BRD10: variants seen among roughly 807,000 people sequenced by gnomAD.
BRD10 encodes the protein bromodomain containing 10.
At chr9:5,916,230 T>G in the BRD10 span, among the ~76,000 whole-genome samples, 12 of 152,186 alleles carry the variant, frequency 7.9e-5, no homozygotes, top group Non-Finnish European at 1.5e-5. Context: ...TTTAGTAACT[T>G]TGGCTAACTA....
At chr9:6,008,451 AGGCCCTGTCGCCATCCCC>A in the BRD10 span, among the ~76,000 whole-genome samples, 1 of 151,572 alleles carries the variant, frequency 6.6e-6, no homozygotes, top group Admixed American at 6.6e-5. Context: ...GCAAAGAAAG[AGGCCCTGTCGCCATCCCC>A]GGTGCGCATG....
At chr9:6,004,432 G>A in the BRD10 span, among the ~76,000 whole-genome samples, 1 of 152,158 alleles carries the variant, frequency 6.6e-6, no homozygotes, top group Admixed American at 6.5e-5. Context: ...TGAGATTCAA[G>A]TTATATGCTG....
At chr9:5,975,828 AT>A in the BRD10 span, among the ~76,000 whole-genome samples, 1 of 152,232 alleles carries the variant, frequency 6.6e-6, no homozygotes, top group African/African-American at 2.4e-5. Flanking sequence ...AAAATACATT[AT>A]AAAAACAGTA....
chr9:5,991,498 G>A, the BRD10 span, among the ~76,000 whole-genome samples: 1 of 152,068 alleles, frequency 6.6e-6, no homozygotes, highest in African/African-American at 2.4e-5. Context: ...CAAGGCAGGT[G>A]GATCACCTGA....
the BRD10 span, chr9:5,988,588 A>T: frequency 1.7e-5 from 25 of 1,462,508 alleles, no homozygotes; most frequent in Non-Finnish European, 2.4e-5. Flanking sequence ...AATCTTCTGG[A>T]TAAGCAATAA....
chr9:5,921,462 G>C, the BRD10 span: 9 of 1,613,730 alleles, frequency 5.6e-6, no homozygotes, highest in African/African-American at 8.0e-5. Flanking sequence ...CTAGGAACTG[G>C]GGCATTAATA....
the BRD10 span, chr9:6,007,409 G>A: frequency 3.7e-6 from 6 of 1,608,138 alleles, no homozygotes; most frequent in Middle Eastern, 1.6e-4. Context: ...GGGAAGGCGC[G>A]ACCGCCCCGG....
At chr9:5,958,796 G>C in the BRD10 span, among the ~76,000 whole-genome samples, 2 of 152,182 alleles carry the variant, frequency 1.3e-5, no homozygotes, top group Admixed American at 1.3e-4. Context: ...ATTGTTGCAA[G>C]TAAAAACTCA....
At chr9:5,960,642 T>C in the BRD10 span, among the ~76,000 whole-genome samples, 1 of 152,132 alleles carries the variant, frequency 6.6e-6, no homozygotes, top group Non-Finnish European at 1.5e-5. Flanking sequence ...TGGTTGAAAG[T>C]ATCTTAAAAC....
At chr9:5,929,145 A>G in the BRD10 span, 1 of 1,564,804 alleles carries the variant, frequency 6.4e-7, no homozygotes, top group Non-Finnish European at 8.8e-7. Context: ...CTTGCCTCCG[A>G]TGATACCATT....
the BRD10 span, among the ~76,000 whole-genome samples, chr9:5,903,526 G>T: frequency 1.3e-5 from 2 of 152,164 alleles, no homozygotes; most frequent in African/African-American, 4.8e-5. Flanking sequence ...CTCATACAAT[G>T]AGTTAGTCCT....
the BRD10 span, chr9:5,928,964 A>G: frequency 1.4e-6 from 1 of 707,084 alleles, no homozygotes; most frequent in Admixed American, 2.7e-5. Context: ...GAAAACTACT[A>G]AATGATTCCA....
chr9:5,905,610 A>G, the BRD10 span, among the ~76,000 whole-genome samples: 2 of 152,354 alleles, frequency 1.3e-5, no homozygotes, highest in East Asian at 3.9e-4. Context: ...GCATTCCTTT[A>G]TACTGACTTC....
chr9:6,003,927 T>A, the BRD10 span, among the ~76,000 whole-genome samples: 5 of 152,230 alleles, frequency 3.3e-5, no homozygotes, highest in African/African-American at 1.2e-4. Context: ...GGTCATCCTG[T>A]CTACTTCCTG....
the BRD10 span, among the ~76,000 whole-genome samples, chr9:5,981,644 CTATTT>C: frequency 1.3e-5 from 2 of 151,366 alleles, no homozygotes; most frequent in African/African-American, 4.8e-5. Flanking sequence ...ATCTATCTAT[CTATTT>C]TAATCTATCC....
the BRD10 span, among the ~76,000 whole-genome samples, chr9:5,885,528 G>A: frequency 2.0e-5 from 3 of 151,818 alleles, no homozygotes; most frequent in African/African-American, 4.8e-5. Context: ...GCACCACCAC[G>A]CCCGGCTAAT....
the BRD10 span, chr9:5,919,888 C>T: frequency 6.2e-7 from 1 of 1,613,942 alleles, no homozygotes; most frequent in Non-Finnish European, 8.5e-7. Flanking sequence ...CCAAATGAAA[C>T]ACTGAAGTGC....
chr9:5,884,481 G>A, the BRD10 span, among the ~76,000 whole-genome samples: 2 of 152,210 alleles, frequency 1.3e-5, no homozygotes. Flanking sequence ...GGGGCCCTGA[G>A]CCCTAAACCA....
the BRD10 span, chr9:5,908,854 T>C: frequency 1.5e-6 from 1 of 669,472 alleles, no homozygotes; most frequent in Non-Finnish European, 2.6e-6. Context: ...AAAATTTTAG[T>C]AGGTCCGCTA....
Sources: gnomAD v4.1 joint callset for allele counts (sites outside exome capture counted in the v4.1 genomes callset) on GRCh38, gnomAD v4.1.1 for gene constraint, MANE v1.5 for transcripts, NCBI Gene and HGNC (gene_info 2026-07-23, HGNC 2026-07-21) for gene names.